AURKA: variants seen among roughly 807,000 people sequenced by gnomAD.
The protein encoded by AURKA is aurora 2.
AURKA carries 12 observed loss-of-function variants against 40.9 expected under a neutral mutation model. The ratio of observed to expected loss-of-function variants is 0.29; its 90% confidence interval spans 0.19 to 0.48. AURKA has a LOEUF of 0.48. Ranked by LOEUF, AURKA falls within the 20% of genes least tolerant of loss-of-function variation. AURKA has a pLI of 0.99. For synonymous variants in AURKA, 170 were observed against 164.3 expected, an observed-to-expected ratio of 1.03 and a Z score of -0.26; for missense variants, 322 against 462.1, an observed-to-expected ratio of 0.70 and a Z score of 2.78.
chr20:56,382,943 G>A, intron 5 of AURKA, 42 bp downstream of exon 5: 1 of 1,603,704 alleles, frequency 6.2e-7, no homozygotes, highest in East Asian at 2.2e-5. Flanking sequence ...GAGGGGTGCA[G>A]CATTGGTGAA....
rs565858748 is a variant in AURKA at position 56,384,467 on chromosome 20, T to G, written c.320-143A>C. The G allele has an allele frequency of 1.2e-4, 78 of 674,946 alleles. No homozygotes were observed. In the South Asian group the frequency reaches 1.2e-3, roughly 10 times the overall value. The allele number at this position is 674,946 out of a possible 1,614,324, so 41.8% of individuals were successfully genotyped here. A position where few individuals can be genotyped will look rare whatever the true frequency, so the allele number is the denominator to read the frequency against. ...TAAATCTGTTTTTTTTTTTTAAAGT[T>G]TTCCTTATAGAAAAAAAGGACTACT... On this transcript the variant is annotated intron_variant, in intron 3 of 8. Coordinates refer to ENST00000395915, the MANE Select transcript of AURKA (RefSeq NM_198437.3).
chr20:56,382,958 C>T, intron 5 of AURKA, 27 bp downstream of exon 5: 1 of 1,612,152 alleles, frequency 6.2e-7, no homozygotes, highest in Non-Finnish European at 8.5e-7. Flanking sequence ...GGTGAACATT[C>T]TTTTGAACAT....
chr20:56,382,916 T>C (rs2146190117), intron 5 of AURKA, 69 bp downstream of exon 5: 1 of 1,568,008 alleles, frequency 6.4e-7, no homozygotes, highest in South Asian at 1.1e-5. Flanking sequence ...AGTGGGAGGC[T>C]GACATTACAG....
intron 5 of AURKA, 105 bp downstream of exon 5, chr20:56,382,880 G>GT: frequency 8.0e-7 from 1 of 1,256,964 alleles, no homozygotes; most frequent in South Asian, 1.2e-5. Context: ...GCAGTGCCTC[G>GT]TAAGAGGGAG....
At chr20:56,375,069 A>G (rs953050531) in intron 6 of AURKA, among the ~76,000 whole-genome samples, 1 of 152,130 alleles carries the variant, frequency 6.6e-6, no homozygotes. Flanking sequence ...AAGAAAAAGA[A>G]AAGTTTTACA....
intron 1 of AURKA, 135 bp from the exon 2 acceptor site, chr20:56,388,337 G>A: frequency 1.2e-6 from 1 of 830,218 alleles, no homozygotes. Flanking sequence ...TTGTCCAAAT[G>A]AAGCTAATGA....
chr20:56,388,410 C>G, intron 1 of AURKA: 1 of 603,522 alleles, frequency 1.7e-6, no homozygotes, highest in Non-Finnish European at 3.0e-6. Flanking sequence ...GCGTCCCATC[C>G]TCTGTCACGG....
chr20:56,371,229 G>A lies in AURKA; in HGVS notation c.855-570C>T, dbSNP rs1270835452. ...TGTAATGCCAGCACTTTGGGAGGCC[G>A]AGGGAGGCGGATCACGAGGTCAGGA... is the stretch of plus-strand genomic sequence containing the variant. On this transcript the variant is annotated intron_variant, in intron 7 of 8. Coordinates refer to ENST00000395915, the MANE Select transcript of AURKA (RefSeq NM_198437.3). Among the ~76,000 whole-genome samples the A allele has an allele frequency of 5.3e-5, 8 of 152,082 alleles. No homozygotes were observed. The East Asian group carries it at 1.2e-3, about 22-fold the overall frequency.
intron 1 of AURKA, among the ~76,000 whole-genome samples, chr20:56,390,375 C>T (rs558212093): frequency 4.0e-5 from 6 of 150,530 alleles, no homozygotes; most frequent in Non-Finnish European, 8.8e-5. Flanking sequence ...GGCGCAATCT[C>T]GGCTCACCCG....
Position 56,392,203 on chromosome 20 carries a change from G to A in AURKA, c.-41C>T, listed in dbSNP as rs1243115303. On this transcript the variant is annotated 5_prime_UTR_variant, in exon 1 of 9. Coordinates refer to ENST00000395915, the MANE Select transcript of AURKA (RefSeq NM_198437.3). Reference sequence around the variant, plus strand: ...AGGACCCAAGTCTTCCAAGAGCTCAGCCGTTAGAATTCAAAGGTTCTTCTT... The same window carrying A: ...AGGACCCAAGTCTTCCAAGAGCTCAACCGTTAGAATTCAAAGGTTCTTCTT... 2 of 152,238 alleles carry A rather than the reference G, an allele frequency of 1.3e-5. No individual in the cohort carries two copies. Among genetic ancestry groups the A allele is most frequent in the East Asian group, 3.8e-4 (2 of 5,196 alleles). The allele number at this position is 152,238 out of a possible 1,614,324, so 9.4% of individuals were successfully genotyped here.
rs756839520 is a variant in AURKA, at chr20:56,370,263, G to C, written c.1107C>G (p.Ser369Arg). The change falls in exon 9 of 9, where the codon AGC (serine) becomes AGG (arginine). Residue 369 changes from serine (S) to arginine (R), a missense_variant. Coordinates refer to ENST00000395915, the MANE Select transcript of AURKA (RefSeq NM_198437.3). ...LISRLLKHNP[S>R]QRPMLREVLE... ...GTACTTCTCTGAGCATTGGCCTCTG[G>C]CTGGGATTATGCTTCAACAGTCTTG... The C allele has an allele frequency of 1.9e-6, 3 of 1,614,162 alleles. No homozygotes were observed. In the South Asian group the frequency reaches 3.3e-5, roughly 18 times the overall value.
At chr20:56,377,983 A>T (rs1985152736) in intron 6 of AURKA, among the ~76,000 whole-genome samples, 1 of 152,128 alleles carries the variant, frequency 6.6e-6, no homozygotes, top group Admixed American at 6.6e-5. Context: ...CTGGGCAACA[A>T]GGCAAAACCT....
At chr20:56,374,906 AGTGTAGTG>A (rs1054728012) in intron 6 of AURKA, among the ~76,000 whole-genome samples, 3 of 152,040 alleles carry the variant, frequency 2.0e-5, no homozygotes, top group African/African-American at 7.2e-5. Flanking sequence ...AAATTAGCCA[AGTGTAGTG>A]GTGCATGCCT....
At position 56,381,474 on chromosome 20, in the gene AURKA, G is replaced by A; in HGVS notation, c.664C>T (p.Leu222Phe). ...TCATCAAACTTTGAAAGTTTCTGAA[G>A]TTCTCTATAAACTGTTCCAAGTGGT... ...YAPLGTVYRE[L>F]QKLSKFDEQR... is the part of the protein sequence containing the mutation. Residue 222 changes from leucine to phenylalanine, a missense_variant, in exon 6 of 9, where the codon CTT becomes TTT. By Grantham distance (22) the Leu-to-Phe change is conservative. Coordinates refer to ENST00000395915, the MANE Select transcript of AURKA (RefSeq NM_198437.3). 6.2e-7 allele frequency: 1 copy of A among 1,613,790 alleles called. No individual in the cohort carries two copies. The highest frequency in any genetic ancestry group is 1.7e-4 in the Middle Eastern group (1 of 5,894).
chr20:56,381,304 T>C, intron 6 of AURKA, 129 bp downstream of exon 6: 1 of 1,195,044 alleles, frequency 8.4e-7, no homozygotes, highest in Non-Finnish European at 1.2e-6. Flanking sequence ...ATTTTTCCAC[T>C]TCAAATATTT....
At chr20:56,388,940 C>A (rs933201571) in intron 1 of AURKA, among the ~76,000 whole-genome samples, 3 of 152,148 alleles carry the variant, frequency 2.0e-5, no homozygotes, top group Non-Finnish European at 1.5e-5. Flanking sequence ...CCTCTCCCCT[C>A]CCCTGAGCCC....
intron 3 of AURKA, 54 bp downstream of exon 3, chr20:56,386,203 T>C: frequency 3.7e-6 from 6 of 1,609,684 alleles, no homozygotes; most frequent in Non-Finnish European, 5.1e-6. Flanking sequence ...CACTGGCTTT[T>C]TTAGCAACGA....
rs892823159 is a variant in AURKA, at chr20:56,374,602, C to CT, written c.706-1047dup. ...TAATTTTATTTCCTTAAGTTACTAT[C>CT]TTTTTTTTTTTTAATAGAGATGGGG... On this transcript the variant is annotated intron_variant, in intron 6 of 8. Coordinates refer to ENST00000395915, the MANE Select transcript of AURKA (RefSeq NM_198437.3). Among the ~76,000 whole-genome samples the CT allele has an allele frequency of 1.4e-3, 199 of 145,550 alleles. No individual in the cohort carries two copies. In the East Asian group the frequency reaches 0.015, roughly 11 times the overall value.
chr20:56,382,844 T>G, intron 5 of AURKA, 141 bp downstream of exon 5: 1 of 809,930 alleles, frequency 1.2e-6, no homozygotes, highest in East Asian at 2.5e-5. Flanking sequence ...GAGGGGGAGG[T>G]GAGGAACGGG....
Sources: gnomAD v4.1 joint callset for allele counts (sites outside exome capture counted in the v4.1 genomes callset) on GRCh38, gnomAD v4.1.1 for gene constraint, MANE v1.5 for transcripts, NCBI Gene and HGNC (gene_info 2026-07-23, HGNC 2026-07-21) for gene names.